Variants in TM6SF1 observed in about 807,000 individuals in gnomAD.
TM6SF1 encodes the protein transmembrane 6 superfamily member 1.
A neutral mutation model predicts 47.1 loss-of-function variants in TM6SF1; 43 were observed. The observed-to-expected ratio is 0.91, with a 90% CI of 0.72 to 1.18. The LOEUF is 1.18. Ranked by LOEUF, TM6SF1 falls within the 50% of genes most tolerant of loss-of-function variation. The pLI, the probability that TM6SF1 is intolerant of heterozygous loss-of-function variation, is 0.00. For synonymous variants in TM6SF1, 177 were observed against 166.3 expected, an observed-to-expected ratio of 1.06 and a Z score of -0.49; for missense variants, 390 against 449.0, an observed-to-expected ratio of 0.87 and a Z score of 1.19.
intron 8 of TM6SF1, 126 bp from the exon 9 acceptor site, chr15:83,127,232 A>G: frequency 1.1e-6 from 1 of 920,804 alleles, no homozygotes; most frequent in Non-Finnish European, 1.5e-6. Context: ...AAAAAAAAAA[A>G]AGAGTCCCAT....
At position 83,127,430 on chromosome 15, in the gene TM6SF1, TCCTGGATGCC is replaced by T; in HGVS notation, c.875_884del (p.Ser292LeufsTer5). 1 of 1,614,046 alleles carries T rather than the reference TCCTGGATGCC, an allele frequency of 6.2e-7. No homozygotes were observed. Among genetic ancestry groups the T allele is most frequent in the Non-Finnish European group, 8.5e-7 (1 of 1,179,960 alleles). On this transcript the variant is annotated frameshift_variant, in exon 9 of 10. Coordinates refer to ENST00000322019, the MANE Select transcript of TM6SF1 (RefSeq NM_023003.5). LOFTEE classifies it high-confidence loss of function. Reference sequence around the variant, plus strand: ...GTATGGCTTAGTGGTTCCTGGATGTTCCTGGATGCCTGACATCACATTGATACATGCTGGA... The same window carrying T: ...GTATGGCTTAGTGGTTCCTGGATGTTTGACATCACATTGATACATGCTGGA...
chr15:83,113,289 T>C (rs1596471951), intron 2 of TM6SF1: 1 of 233,376 alleles, frequency 4.3e-6, no homozygotes, highest in Non-Finnish European at 8.6e-6. Context: ...TCTGCACATA[T>C]GCATGAAGAG....
In TM6SF1 at chr15:83,124,532, A is replaced by G. The variant is rs2035557935; in HGVS notation, c.604-140A>G. On this transcript the variant is annotated intron_variant, in intron 6 of 9. Transcript: ENST00000322019. The stretch of plus-strand genomic sequence containing the variant: ...TTGAGGAAGGAAATGATTTTCCTAA[A>G]GTTCCATGGCCAGTGATTTATGATA... 1.1e-5 allele frequency: 7 copies of G among 625,544 alleles called. No individual in the cohort carries two copies. In the South Asian group the frequency reaches 1.5e-4, roughly 14 times the overall value. 38.7% of individuals were successfully genotyped at this position (625,544 alleles called of 1,614,324 possible). A position where few individuals can be genotyped will look rare whatever the true frequency, so the allele number is the denominator to read the frequency against.
At chr15:83,115,013 CCTGT>C (rs2034526371) in intron 2 of TM6SF1, 1 of 152,410 alleles carries the variant, frequency 6.6e-6, no homozygotes, top group Middle Eastern at 3.4e-3. Flanking sequence ...ACATCAGCCA[CCTGT>C]CTGTCTCTAG....
At position 83,119,777 on chromosome 15, in the gene TM6SF1, G is replaced by A. The variant is rs536487887; in HGVS notation, c.398+96G>A. ...ATGCATAGAGGCAAATACACAAGCA[G>A]GTATACTGGACATGAATATAAGTTC... On this transcript the variant is annotated intron_variant, in intron 4 of 9. Coordinates refer to ENST00000322019, the MANE Select transcript of TM6SF1 (RefSeq NM_023003.5). The A allele has an allele frequency of 1.5e-3, 2,420 of 1,569,128 alleles. 3 individuals are homozygous for A. Among genetic ancestry groups the A allele is most frequent in the Non-Finnish European group, 2.0e-3 (2,283 of 1,155,406 alleles).
chr15:83,116,306 A>C (rs1317222775), intron 3 of TM6SF1, among the ~76,000 whole-genome samples: 6 of 152,194 alleles, frequency 3.9e-5, no homozygotes, highest in African/African-American at 1.4e-4. Flanking sequence ...TTAAATTTGT[A>C]AAGTACCCAA....
chr15:83,133,131 T>C, intron 9 of TM6SF1: 1 of 152,234 alleles, frequency 6.6e-6, no homozygotes, highest in East Asian at 1.9e-4. Context: ...TACGGCTGGT[T>C]TGTGGTGGAG....
chr15:83,107,789 G>A lies in TM6SF1; in HGVS notation c.92+17G>A. ...CCAGCATGAGTGAGTGAGCCGGCGC[G>A]GCGGGGGTCGCGCCGAGGGGCGGCG... On this transcript the variant is annotated intron_variant, in intron 1 of 9. Transcript: ENST00000322019. The surrounding 1 kb of genome is among the most constrained non-coding windows in gnomAD (Gnocchi z 5.6). 9 of 1,568,776 alleles carry A rather than the reference G, an allele frequency of 5.7e-6. No individual in the cohort carries two copies. Among genetic ancestry groups the A allele is most frequent in the Non-Finnish European group, 6.9e-6 (8 of 1,159,890 alleles).
intron 9 of TM6SF1, chr15:83,128,823 C>G (rs985009095): frequency 6.6e-6 from 1 of 152,070 alleles, no homozygotes; most frequent in Admixed American, 6.6e-5. Flanking sequence ...TAGACCACCA[C>G]TAAGTCCTTT....
intron 1 of TM6SF1, among the ~76,000 whole-genome samples, chr15:83,108,802 C>T (rs1157292204): frequency 6.6e-6 from 1 of 152,238 alleles, no homozygotes; most frequent in African/African-American, 2.4e-5. Context: ...TAACTTCCTC[C>T]TCTCCAGCTG....
intron 9 of TM6SF1, 59 bp downstream of exon 9, chr15:83,127,536 A>G: frequency 6.3e-7 from 1 of 1,596,412 alleles, no homozygotes; most frequent in Non-Finnish European, 8.5e-7. Context: ...ATTGTTGAAT[A>G]TATGAAAAAC....
intron 2 of TM6SF1, chr15:83,114,592 G>A (rs996478449): frequency 3.3e-5 from 5 of 152,654 alleles, no homozygotes; most frequent in African/African-American, 1.2e-4. Flanking sequence ...CTTCTGGGGA[G>A]AATGTGAATG....
chr15:83,118,149 G>A (rs1192485328), intron 3 of TM6SF1, among the ~76,000 whole-genome samples: 2 of 151,976 alleles, frequency 1.3e-5, no homozygotes, highest in Non-Finnish European at 2.9e-5. Context: ...ATCGCTTGAC[G>A]CCAGGAGTTG....
intron 3 of TM6SF1, among the ~76,000 whole-genome samples, chr15:83,116,658 C>A (rs2034688618): frequency 6.6e-6 from 1 of 152,162 alleles, no homozygotes; most frequent in African/African-American, 2.4e-5. Flanking sequence ...AGGGAAGGGT[C>A]CGTGCCATGA....
chr15:83,115,378 A>G, intron 2 of TM6SF1: 1 of 296,656 alleles, frequency 3.4e-6, no homozygotes, highest in Non-Finnish European at 6.6e-6. Context: ...TCAGCCTCCC[A>G]AAGTGCTGGG....
intron 8 of TM6SF1, 57 bp from the exon 9 acceptor site, chr15:83,127,301 A>G (rs1433211129): frequency 4.0e-6 from 6 of 1,484,834 alleles, no homozygotes; most frequent in African/African-American, 1.5e-5. Context: ...TGTACTTTTT[A>G]GTCAGGCCAA....
chr15:83,115,003 A>G (rs1347998811), intron 2 of TM6SF1: 2 of 152,244 alleles, frequency 1.3e-5, no homozygotes, highest in African/African-American at 4.8e-5. Flanking sequence ...TGTCACTTGC[A>G]CATCAGCCAC....
chr15:83,123,270 C>T (rs1189063108), intron 6 of TM6SF1, among the ~76,000 whole-genome samples: 7 of 152,078 alleles, frequency 4.6e-5, no homozygotes, highest in African/African-American at 7.2e-5. Context: ...CAAGAGGACA[C>T]TGGAGGGATA....
chr15:83,135,519 A>G (rs1465092009), intron 9 of TM6SF1: 2 of 152,128 alleles, frequency 1.3e-5, no homozygotes, highest in East Asian at 3.9e-4. Flanking sequence ...GAAAATGCAG[A>G]CTCCAGGGGT....
Sources: gnomAD v4.1 joint callset for allele counts (sites outside exome capture counted in the v4.1 genomes callset) on GRCh38, gnomAD v4.1.1 for gene constraint, Gnocchi (gnomAD v3.1) non-coding constraint, MANE v1.5 for transcripts, NCBI Gene and HGNC (gene_info 2026-07-23, HGNC 2026-07-21) for gene names.